Variants in ROBO2 observed in about 807,000 individuals in gnomAD.
The protein encoded by ROBO2 is roundabout guidance receptor 2.
In ROBO2, 53 loss-of-function variants were observed where a neutral mutation model predicts 160.8. That is an observed-to-expected ratio of 0.33 (90% CI 0.26 to 0.41). ROBO2 has a LOEUF of 0.41. ROBO2 is among the 10% of genes least tolerant of loss of function. The probability of loss-of-function intolerance (pLI) is 1.00; values close to 1 mark genes in which losing one functional copy is unlikely to be tolerated. For synonymous variants in ROBO2, 664 were observed against 611.7 expected (o/e 1.09, Z -1.26); for missense variants, 1,577 against 1,722.4 (o/e 0.92, Z 1.49).
intron 2 of ROBO2, among the ~76,000 whole-genome samples, chr3:76,160,873 T>A (rs2072604177): frequency 1.3e-5 from 2 of 152,144 alleles, no homozygotes; most frequent in Non-Finnish European, 2.9e-5. Context: ...TTCAAGTGAA[T>A]TTTTCATGAA....
intron 2 of ROBO2, among the ~76,000 whole-genome samples, chr3:76,689,145 G>T (rs1056819395): frequency 6.6e-6 from 1 of 151,992 alleles, no homozygotes; most frequent in Non-Finnish European, 1.5e-5. Flanking sequence ...GCTTTGAATT[G>T]CTAGCCTCTG....
chr3:76,359,531 C>T lies in ROBO2; in HGVS notation c.109+421929C>T, dbSNP rs546126910. ...TGCACTAGTGAAGCTTCTCGCTGGA[C>T]ATGTGATCCTTTACCTCCTGTTACG... On this transcript the variant is annotated intron_variant, in intron 2 of 26. Transcript: ENST00000487694. 2.0e-5 allele frequency among the ~76,000 whole-genome samples: 3 copies of T among 152,122 alleles called. No homozygotes were observed. In the South Asian group the frequency reaches 6.2e-4, roughly 32 times the overall value.
At chr3:77,530,299 G>A (rs2091567527) in intron 6 of ROBO2, among the ~76,000 whole-genome samples, 1 of 151,892 alleles carries the variant, frequency 6.6e-6, no homozygotes, top group African/African-American at 2.4e-5. Flanking sequence ...GCAGATTCTG[G>A]AATACTTAGA....
chr3:76,760,920 C>CT (rs1228328752), intron 2 of ROBO2, among the ~76,000 whole-genome samples: 29 of 150,322 alleles, frequency 1.9e-4, no homozygotes, highest in East Asian at 5.9e-4. Context: ...AACCTTGTAT[C>CT]TTTTTTTTAT....
chr3:76,407,507 T>C (rs2075267826), intron 2 of ROBO2, among the ~76,000 whole-genome samples: 1 of 151,754 alleles, frequency 6.6e-6, no homozygotes, highest in Non-Finnish European at 1.5e-5. Flanking sequence ...GGAAATGGCA[T>C]AAAAATGGGA....
chr3:77,183,054 C>T (rs2080941079), intron 2 of ROBO2, among the ~76,000 whole-genome samples: 1 of 152,064 alleles, frequency 6.6e-6, no homozygotes, highest in Non-Finnish European at 1.5e-5. Flanking sequence ...GGTCAGGCTC[C>T]AGACTGTCTC....
intron 2 of ROBO2, among the ~76,000 whole-genome samples, chr3:76,743,947 G>C (rs1441232707): frequency 6.6e-6 from 1 of 152,062 alleles, no homozygotes; most frequent in Non-Finnish European, 1.5e-5. Context: ...AGATTATTGG[G>C]TTTTGTAATT....
intron 2 of ROBO2, among the ~76,000 whole-genome samples, chr3:76,567,455 G>GC (rs2084600227): frequency 6.6e-6 from 1 of 150,906 alleles, no homozygotes; most frequent in Non-Finnish European, 1.5e-5. Flanking sequence ...CATGAAAATA[G>GC]CTCAACATAT....
chr3:76,277,663 A>G (rs1445187029), intron 2 of ROBO2, among the ~76,000 whole-genome samples: 4 of 151,966 alleles, frequency 2.6e-5, no homozygotes, highest in Non-Finnish European at 4.4e-5. Context: ...CATCAATAAT[A>G]CAGTCATTAA....
intron 2 of ROBO2, among the ~76,000 whole-genome samples, chr3:76,263,471 C>T (rs1199385740): frequency 6.6e-6 from 1 of 152,134 alleles, no homozygotes; most frequent in Non-Finnish European, 1.5e-5. Context: ...AATCCTCCTG[C>T]CTTGACCTCC....
At chr3:76,374,786 T>C (rs2076263720) in intron 2 of ROBO2, among the ~76,000 whole-genome samples, 1 of 152,076 alleles carries the variant, frequency 6.6e-6, no homozygotes, top group Non-Finnish European at 1.5e-5. Context: ...AAGTGGTTTA[T>C]TTTAGTTTTA....
intron 2 of ROBO2, among the ~76,000 whole-genome samples, chr3:76,470,169 A>G (rs1577416052): frequency 6.6e-6 from 1 of 152,054 alleles, no homozygotes. Flanking sequence ...GCTGCCTTGG[A>G]GGTCTTTCTT....
chr3:76,111,560 GCTTT>G (rs1328940371), intron 2 of ROBO2, among the ~76,000 whole-genome samples: 1 of 152,006 alleles, frequency 6.6e-6, no homozygotes, highest in Non-Finnish European at 1.5e-5. Context: ...CCATCTGTGG[GCTTT>G]CTATTTCTGC....
At chr3:76,804,243 C>A (rs571290110) in intron 2 of ROBO2, among the ~76,000 whole-genome samples, 12 of 152,216 alleles carry the variant, frequency 7.9e-5, no homozygotes, top group Admixed American at 4.6e-4. Context: ...GGGAAGGGAA[C>A]CTTCTCTGAG....
upstream of ROBO2, among the ~76,000 whole-genome samples, chr3:77,038,618 G>A (rs2063775449): frequency 6.6e-6 from 1 of 152,032 alleles, no homozygotes; most frequent in African/African-American, 2.4e-5. Flanking sequence ...TCGGCTCGGG[G>A]ACCTGCGTGA....
chr3:76,393,826 T>C (rs2077279401), intron 2 of ROBO2, among the ~76,000 whole-genome samples: 1 of 152,188 alleles, frequency 6.6e-6, no homozygotes, highest in Non-Finnish European at 1.5e-5. Context: ...TTCTTTTTCA[T>C]GTAGTAACAT....
intron 2 of ROBO2, among the ~76,000 whole-genome samples, chr3:76,203,288 A>C (rs762701336): frequency 2.0e-5 from 3 of 152,186 alleles, no homozygotes; most frequent in Non-Finnish European, 2.9e-5. Context: ...GGAGGAATGA[A>C]AGCGAAGCCA....
chr3:76,552,852 A>G (rs149700406), intron 2 of ROBO2, among the ~76,000 whole-genome samples: 412 of 152,346 alleles, frequency 2.7e-3, no homozygotes, highest in African/African-American at 9.4e-3. Flanking sequence ...TGGGAGTGTG[A>G]GGGATTAGTT....
chr3:77,350,010 A>T (rs1189935171), intron 2 of ROBO2, among the ~76,000 whole-genome samples: 1 of 151,842 alleles, frequency 6.6e-6, no homozygotes, highest in Non-Finnish European at 1.5e-5. Flanking sequence ...TTACTTTTGG[A>T]AGAAAAGACA....
Sources: gnomAD v4.1 joint callset for allele counts (sites outside exome capture counted in the v4.1 genomes callset) on GRCh38, gnomAD v4.1.1 for gene constraint, MANE v1.5 for transcripts, NCBI Gene and HGNC (gene_info 2026-07-23, HGNC 2026-07-21) for gene names.